The following RFX7 variants were observed in gnomAD, a reference collection of about 807,000 sequenced individuals.
RFX7 encodes DNA-binding protein RFX7.
Under a neutral mutation model 111.8 loss-of-function variants are expected in RFX7, and 26 were observed. That is an observed-to-expected ratio of 0.23 (90% CI 0.17 to 0.32). The LOEUF is 0.32. Among genes scored for constraint, RFX7 ranks in the 10% least tolerant of loss-of-function variants. RFX7 has a pLI of 1.00. For missense variants in RFX7, 1,573 were observed against 1,772.9 expected, an observed-to-expected ratio of 0.89 and a Z score of 2.02; for synonymous variants, 624 against 624.4, an observed-to-expected ratio of 1.00 and a Z score of 0.01.
chr15:56,101,592 A>T (rs1301751223), intron 7 of RFX7, 26 bp from the exon 8 acceptor site: 1 of 1,576,704 alleles, frequency 6.3e-7, no homozygotes, highest in South Asian at 1.1e-5. Context: ...AGGAAATGTT[A>T]ACTTGTAAAA....
At chr15:56,134,964 ATAGTATTCCAT>A (rs1298521466) in intron 5 of RFX7, among the ~76,000 whole-genome samples, 2 of 152,068 alleles carry the variant, frequency 1.3e-5, no homozygotes, top group African/African-American at 4.8e-5. Flanking sequence ...TTATGGCTGC[ATAGTATTCCAT>A]GGTGTATATG....
intron 3 of RFX7, among the ~76,000 whole-genome samples, chr15:56,154,812 C>T (rs1405628214): frequency 6.6e-6 from 1 of 152,172 alleles, no homozygotes; most frequent in African/African-American, 2.4e-5. Context: ...AGCTTCTGCA[C>T]AGCAAAAGAA....
intron 3 of RFX7, among the ~76,000 whole-genome samples, chr15:56,166,220 T>C (rs2042780533): frequency 6.6e-6 from 1 of 152,196 alleles, no homozygotes; most frequent in Non-Finnish European, 1.5e-5. Context: ...TTCTAAAATC[T>C]TACTAGGATT....
chr15:56,237,956 G>GT (rs1251907966), intron 2 of RFX7, among the ~76,000 whole-genome samples: 1 of 152,152 alleles, frequency 6.6e-6, no homozygotes, highest in African/African-American at 2.4e-5. Flanking sequence ...GGGTAGGTAG[G>GT]AGGTCAACCT....
intron 2 of RFX7, among the ~76,000 whole-genome samples, chr15:56,218,627 C>G (rs2043392775): frequency 6.6e-6 from 1 of 152,114 alleles, no homozygotes; most frequent in African/African-American, 2.4e-5. Flanking sequence ...AGTAGTTATT[C>G]TATTAGGAAA....
At chr15:56,146,437 TATTAA>T (rs2042473494) in intron 3 of RFX7, among the ~76,000 whole-genome samples, 1 of 152,024 alleles carries the variant, frequency 6.6e-6, no homozygotes, top group Non-Finnish European at 1.5e-5. Context: ...ATGCCAATCA[TATTAA>T]ATTAAGAGAA....
chr15:56,192,929 A>G (rs1462460684), intron 2 of RFX7: 1 of 184,700 alleles, frequency 5.4e-6, no homozygotes, highest in Non-Finnish European at 1.2e-5. Flanking sequence ...TAGATTTTCT[A>G]CAATGGCCTC....
At chr15:56,182,440 C>A (rs201567594) in intron 2 of RFX7, among the ~76,000 whole-genome samples, 2 of 152,068 alleles carry the variant, frequency 1.3e-5, no homozygotes, top group African/African-American at 4.8e-5. Flanking sequence ...TTTTCTTCTG[C>A]CTAGCCTTAT....
intron 3 of RFX7, among the ~76,000 whole-genome samples, chr15:56,172,679 G>C (rs1431029834): frequency 1.3e-5 from 2 of 152,188 alleles, no homozygotes; most frequent in Non-Finnish European, 2.9e-5. Context: ...TATTTTCTCA[G>C]AGAAGTAGAA....
At chr15:56,172,173 A>G (rs1165380732) in intron 3 of RFX7, among the ~76,000 whole-genome samples, 2 of 152,206 alleles carry the variant, frequency 1.3e-5, no homozygotes, top group Non-Finnish European at 2.9e-5. Flanking sequence ...TATATTCAGC[A>G]GTGAGGGGTC....
Position 56,096,417 on chromosome 15 carries a change from C to A in RFX7, c.1311G>T (p.Ala437=). The change falls in exon 10 of 10, where the codon GCG becomes GCT. Residue 437 remains alanine, a synonymous_variant. Transcript: ENST00000559447. ...AGCGAATGGTGAGTGCACTGGTGTT[C>A]GCTGGTTTGGGTAAGATCTGAGGGT... ...HRYPQILPKP[A]NTSALTIRSP... 6.2e-7 allele frequency: 1 copy of A among 1,613,714 alleles called. No homozygotes were observed. Among genetic ancestry groups the A allele is most frequent in the Non-Finnish European group, 8.5e-7 (1 of 1,179,826 alleles).
chr15:56,195,862 C>T (rs537879232), intron 2 of RFX7, among the ~76,000 whole-genome samples: 4 of 152,270 alleles, frequency 2.6e-5, no homozygotes, highest in Admixed American at 6.5e-5. Context: ...CCCTAATATA[C>T]GCAACTCAAT....
chr15:56,160,993 A>G (rs1469050098), intron 3 of RFX7, among the ~76,000 whole-genome samples: 1 of 152,088 alleles, frequency 6.6e-6, no homozygotes, highest in Non-Finnish European at 1.5e-5. Flanking sequence ...GTACTGTATT[A>G]TCGTGAGGAT....
At chr15:56,126,880 C>T (rs1275572865) in intron 5 of RFX7, among the ~76,000 whole-genome samples, 2 of 151,302 alleles carry the variant, frequency 1.3e-5, no homozygotes, top group Non-Finnish European at 3.0e-5. Flanking sequence ...ATAAGTAAAA[C>T]ACACAAAAAA....
At chr15:56,189,536 C>T (rs2043079168) in intron 2 of RFX7, among the ~76,000 whole-genome samples, 1 of 151,566 alleles carries the variant, frequency 6.6e-6, no homozygotes, top group Non-Finnish European at 1.5e-5. Flanking sequence ...GGAACTCCTA[C>T]AACTCCATAG....
At chr15:56,155,985 T>A (rs999729224) in intron 3 of RFX7, among the ~76,000 whole-genome samples, 16 of 152,030 alleles carry the variant, frequency 1.1e-4, no homozygotes, top group Non-Finnish European at 1.9e-4. Flanking sequence ...CTTTTACTTT[T>A]AAAAAAATCC....
intron 2 of RFX7, among the ~76,000 whole-genome samples, chr15:56,181,954 G>A (rs1490595642): frequency 1.3e-5 from 2 of 152,044 alleles, no homozygotes; most frequent in African/African-American, 4.8e-5. Flanking sequence ...AGGAGCCTGT[G>A]AACCCTATTG....
intron 5 of RFX7, among the ~76,000 whole-genome samples, chr15:56,109,931 C>T (rs1356560535): frequency 2.7e-5 from 4 of 150,838 alleles, no homozygotes; most frequent in African/African-American, 9.8e-5. Flanking sequence ...GTCAGACCCT[C>T]GCCTGGCCAG....
chr15:56,194,317 A>G (rs1158698364), intron 2 of RFX7, among the ~76,000 whole-genome samples: 1 of 152,152 alleles, frequency 6.6e-6, no homozygotes, highest in Admixed American at 6.5e-5. Flanking sequence ...AAACAGAGGT[A>G]TCTGTGAATA....
Sources: allele counts gnomAD v4.1 joint callset (sites outside exome capture counted in the v4.1 genomes callset), GRCh38; gene constraint gnomAD v4.1.1; transcripts MANE v1.5; gene names NCBI Gene and HGNC (gene_info 2026-07-23, HGNC 2026-07-21).